Variants in FRMD4B observed in about 807,000 individuals in gnomAD.
The protein encoded by FRMD4B is FERM domain containing 4B.
FRMD4B carries 74 observed loss-of-function variants against 141.5 expected under a neutral mutation model. The ratio of observed to expected loss-of-function variants is 0.52; its 90% CI spans 0.43 to 0.63. The LOEUF is 0.63. Ranked by LOEUF, FRMD4B falls within the 30% of genes least tolerant of loss-of-function variation. FRMD4B has a pLI of 0.00. For missense variants in FRMD4B, 1,366 were observed against 1,253.4 expected (o/e 1.09, Z -1.36); for synonymous variants, 506 against 467.9 (o/e 1.08, Z -1.05).
intron 7 of FRMD4B, among the ~76,000 whole-genome samples, chr3:69,225,744 A>ATAC (rs922960687): frequency 1.4e-5 from 2 of 142,510 alleles, no homozygotes; most frequent in Non-Finnish European, 3.0e-5. Flanking sequence ...AGAACACGTA[A>ATAC]TACTACCCAG....
At chr3:69,445,468 G>A (rs141958307) in intron 1 of FRMD4B, among the ~76,000 whole-genome samples, 19 of 152,040 alleles carry the variant, frequency 1.2e-4, no homozygotes, top group South Asian at 2.1e-4. Context: ...TTCTTCCTCC[G>A]CATCATCCCA....
intron 3 of FRMD4B, among the ~76,000 whole-genome samples, chr3:69,308,842 A>G (rs1701479329): frequency 6.6e-6 from 1 of 152,116 alleles, no homozygotes; most frequent in South Asian, 2.1e-4. Context: ...AAATTTTTGC[A>G]GAACTGGCTC....
chr3:69,534,029 C>T (rs953480400), intron 1 of FRMD4B, among the ~76,000 whole-genome samples: 2 of 152,230 alleles, frequency 1.3e-5, no homozygotes, highest in Admixed American at 6.5e-5. Context: ...GCACCGTTGG[C>T]ATCACCTGGA....
Position 69,463,329 on chromosome 3 carries a change from C to T in FRMD4B, c.-128-30568G>A, listed in dbSNP as rs143423904. Among the ~76,000 whole-genome samples, 11 of 152,184 alleles carry T rather than the reference C, an allele frequency of 7.2e-5. No homozygotes were observed. The South Asian group carries it at 2.3e-3, about 32-fold the overall frequency. ...CCTGGGGGATCTGTTTTCCAGGGAA[C>T]CTGGGTGAGGACTTACCTCTAACTT... On this transcript the variant is annotated intron_variant, in intron 1 of 5. Transcript: ENST00000459638.
intron 1 of FRMD4B, among the ~76,000 whole-genome samples, chr3:69,475,002 T>A (rs1291347379): frequency 6.6e-6 from 1 of 152,098 alleles, no homozygotes; most frequent in Non-Finnish European, 1.5e-5. Context: ...AAAAAGGAAA[T>A]GTCTTGCTGT....
chr3:69,176,615 T>C lies in FRMD4B; in HGVS notation c.2893A>G (p.Thr965Ala), dbSNP rs1469868926. The C allele has an allele frequency of 6.2e-7, 1 of 1,606,122 alleles. No homozygotes were observed. Among genetic ancestry groups the C allele is most frequent in the Admixed American group, 1.7e-5 (1 of 59,992 alleles). The change falls in exon 22 of 23, where the codon ACC becomes GCC. Residue 965 changes from threonine to alanine, a missense_variant. By Grantham distance (58) the Thr-to-Ala change is moderately conservative. Coordinates refer to ENST00000398540, the MANE Select transcript of FRMD4B (RefSeq NM_015123.3). ...NASGNWRTQL[T>A]IGLSDYETPA... ...GTCTCGTAATCCGACAGCCCTATGG[T>C]TAACTGGGTCCTCCAGTTCCCAGAA...
At chr3:69,183,706 T>A (rs1187429658) in intron 19 of FRMD4B, among the ~76,000 whole-genome samples, 1 of 151,904 alleles carries the variant, frequency 6.6e-6, no homozygotes, top group Non-Finnish European at 1.5e-5. Flanking sequence ...ATGGTCTCGA[T>A]CTCCTGACCT....
At chr3:69,397,156 A>T (rs1335630537) in intron 2 of FRMD4B, among the ~76,000 whole-genome samples, 1 of 152,244 alleles carries the variant, frequency 6.6e-6, no homozygotes, top group African/African-American at 2.4e-5. Context: ...TAGTATACGT[A>T]TATGACGGAA....
chr3:69,295,400 C>T (rs149185436), intron 4 of FRMD4B, among the ~76,000 whole-genome samples: 28 of 152,268 alleles, frequency 1.8e-4, no homozygotes, highest in African/African-American at 6.5e-4. Flanking sequence ...CCGCTCACTG[C>T]AGCCTCAATG....
intron 8 of FRMD4B, among the ~76,000 whole-genome samples, chr3:69,222,574 C>T (rs1191591831): frequency 6.6e-6 from 1 of 151,492 alleles, no homozygotes; most frequent in African/African-American, 2.4e-5. Context: ...GAGTTTGAGG[C>T]CAGCCTGGCC....
At chr3:69,311,961 C>A (rs747221580) in intron 2 of FRMD4B, among the ~76,000 whole-genome samples, 8 of 152,110 alleles carry the variant, frequency 5.3e-5, no homozygotes, top group Non-Finnish European at 1.0e-4. Context: ...TAGTTAAGCA[C>A]CTTGCTTGAT....
intron 1 of FRMD4B, among the ~76,000 whole-genome samples, chr3:69,451,115 C>A (rs946494061): frequency 6.6e-6 from 1 of 152,180 alleles, no homozygotes; most frequent in Non-Finnish European, 1.5e-5. Context: ...TTCCAGGAAC[C>A]AGCAGGGCCC....
intron 2 of FRMD4B, among the ~76,000 whole-genome samples, chr3:69,418,550 T>A (rs149024196): frequency 6.6e-6 from 1 of 152,166 alleles, no homozygotes; most frequent in East Asian, 1.9e-4. Flanking sequence ...CGAAAGACGT[T>A]CTCTTGCTGT....
In FRMD4B at chr3:69,272,580, T is replaced by C. The variant is rs2093599495; in HGVS notation, c.501+15172A>G. Among the ~76,000 whole-genome samples the C allele has an allele frequency of 2.0e-5, 3 of 152,234 alleles. No homozygotes were observed. In the South Asian group the frequency reaches 6.2e-4, roughly 31 times the overall value. On this transcript the variant is annotated intron_variant, in intron 5 of 22. Transcript: ENST00000398540. ...ATTAAAACACATACACTCGTATGTG[T>C]GTACACACACACACACATTCACATA...
intron 11 of FRMD4B, among the ~76,000 whole-genome samples, chr3:69,214,092 TTG>T (rs1467102118): frequency 1.3e-5 from 2 of 152,170 alleles, no homozygotes; most frequent in African/African-American, 4.8e-5. Context: ...ATCTACCCTT[TTG>T]TGTTATCTGT....
intron 1 of FRMD4B, among the ~76,000 whole-genome samples, chr3:69,347,370 C>A (rs1024380073): frequency 6.6e-6 from 1 of 152,144 alleles, no homozygotes; most frequent in Admixed American, 6.5e-5. Context: ...TAGACTCCCA[C>A]ACAATAATAA....
At chr3:69,258,874 A>G (rs2093509087) in intron 5 of FRMD4B, among the ~76,000 whole-genome samples, 1 of 152,146 alleles carries the variant, frequency 6.6e-6, no homozygotes, top group Admixed American at 6.6e-5. Context: ...CCTCATCTGC[A>G]AAATAGAAGA....
chr3:69,169,175 A>G lies in FRMD4B; in HGVS notation c.*2686T>C, dbSNP rs1274905490. On this transcript the variant is annotated 3_prime_UTR_variant, in exon 23 of 23. Coordinates refer to ENST00000398540, the MANE Select transcript of FRMD4B (RefSeq NM_015123.3). ...ATGTACTATTTTGGTTTTGCATTTAACCATGGTATTTTGTAATAAAAAAGA... is the reference window on the plus strand; with the variant it reads ...ATGTACTATTTTGGTTTTGCATTTAGCCATGGTATTTTGTAATAAAAAAGA... Among the ~76,000 whole-genome samples the G allele has an allele frequency of 6.6e-6, 1 of 152,160 alleles. No homozygotes were observed. The highest frequency in any genetic ancestry group is 1.5e-5 in the Non-Finnish European group (1 of 68,028).
chr3:69,363,247 T>C (rs1409166622), intron 1 of FRMD4B, among the ~76,000 whole-genome samples: 1 of 62,368 alleles, frequency 1.6e-5, no homozygotes, highest in Non-Finnish European at 3.3e-5. Flanking sequence ...CTTTTTACCA[T>C]GTTTTTTTTT....
Sources: allele counts gnomAD v4.1 joint callset (sites outside exome capture counted in the v4.1 genomes callset), GRCh38; gene constraint gnomAD v4.1.1; transcripts MANE v1.5; gene names NCBI Gene and HGNC (gene_info 2026-07-23, HGNC 2026-07-21).